PTPRD: variants seen among roughly 807,000 people sequenced by gnomAD.
The protein encoded by PTPRD is receptor-type tyrosine-protein phosphatase delta.
In PTPRD, 34 loss-of-function variants were observed where a neutral mutation model predicts 214.5. That is an observed-to-expected ratio of 0.16 (90% CI 0.12 to 0.21). The LOEUF (loss-of-function observed/expected upper bound fraction) is 0.21. Among genes scored for constraint, PTPRD ranks in the 10% least tolerant of loss-of-function variants. The pLI is 1.00. For missense variants in PTPRD, 2,545 were observed against 2,398.7 expected (o/e 1.06, Z -1.27); for synonymous variants, 1,128 against 845.7 (o/e 1.33, Z -5.79).
chr9:8,660,575 C>A (rs1230162997), intron 12 of PTPRD, among the ~76,000 whole-genome samples: 1 of 152,144 alleles, frequency 6.6e-6, no homozygotes, highest in African/African-American at 2.4e-5. Context: ...CCCCAGCTGG[C>A]TCCCAGCCCC....
In PTPRD at chr9:9,954,297, CAA is replaced by C. The variant is rs781628679; in HGVS notation, c.-471-15689_-471-15688del. Among the ~76,000 whole-genome samples, 97 of 53,772 alleles carry C rather than the reference CAA, an allele frequency of 1.8e-3. 3 individuals are homozygous for C. Among genetic ancestry groups the C allele is most frequent in the South Asian group, 0.017 (20 of 1,182 alleles). 35.3% of individuals were successfully genotyped at this position (53,772 alleles called of 152,430 possible). On this transcript the variant is annotated intron_variant, in intron 4 of 45. Coordinates refer to ENST00000381196, the MANE Select transcript of PTPRD (RefSeq NM_002839.4). ...GACAGATTGAGACTCTGTCTCAAAA[CAA>C]AAAAAAAAAAAAAAAAAAAAAAAAA...
intron 13 of PTPRD, among the ~76,000 whole-genome samples, chr9:8,634,514 C>A (rs757382077): frequency 1.3e-5 from 2 of 152,078 alleles, no homozygotes; most frequent in Non-Finnish European, 2.9e-5. Flanking sequence ...CAAAATATGT[C>A]CACTTCAATC....
chr9:9,273,262 G>A (rs1943662029), intron 9 of PTPRD, among the ~76,000 whole-genome samples: 1 of 151,196 alleles, frequency 6.6e-6, no homozygotes, highest in Non-Finnish European at 1.5e-5. Flanking sequence ...GGAACTATCA[G>A]GCATTTATTT....
At chr9:8,733,475 G>GTT (rs1235542832) in intron 12 of PTPRD, among the ~76,000 whole-genome samples, 1 of 152,094 alleles carries the variant, frequency 6.6e-6, no homozygotes, top group African/African-American at 2.4e-5. Context: ...GTTAACCTCA[G>GTT]TTTGAGTTAT....
chr9:10,584,235 G>A (rs368520954), intron 2 of PTPRD, among the ~76,000 whole-genome samples: 13 of 151,528 alleles, frequency 8.6e-5, no homozygotes, highest in African/African-American at 3.1e-4. Context: ...TTTCTTCCTT[G>A]GTCAATGCAT....
chr9:10,007,478 G>C (rs1179402029), intron 4 of PTPRD, among the ~76,000 whole-genome samples: 2 of 151,944 alleles, frequency 1.3e-5, no homozygotes, highest in Non-Finnish European at 2.9e-5. Context: ...ACTTGTCCTT[G>C]GGGGCCAGTT....
At chr9:9,722,287 T>A (rs2097966293) in intron 7 of PTPRD, among the ~76,000 whole-genome samples, 1 of 152,046 alleles carries the variant, frequency 6.6e-6, no homozygotes, top group Non-Finnish European at 1.5e-5. Flanking sequence ...GATTTCCCTA[T>A]TCTGGATAAT....
At chr9:8,646,184 G>A (rs918349437) in intron 12 of PTPRD, among the ~76,000 whole-genome samples, 16 of 152,136 alleles carry the variant, frequency 1.1e-4, no homozygotes, top group African/African-American at 3.6e-4. Flanking sequence ...CCAGGATTGA[G>A]AATTACTGAA....
chr9:9,481,382 A>G (rs2095408158), intron 8 of PTPRD, among the ~76,000 whole-genome samples: 1 of 152,126 alleles, frequency 6.6e-6, no homozygotes, highest in Non-Finnish European at 1.5e-5. Flanking sequence ...TGACAGGAAC[A>G]TCAACATTAC....
intron 3 of PTPRD, among the ~76,000 whole-genome samples, chr9:10,311,082 G>C (rs1050730595): frequency 1.3e-5 from 2 of 151,808 alleles, no homozygotes; most frequent in Admixed American, 6.6e-5. Flanking sequence ...TTTATATACC[G>C]ATTTTTTTTT....
At chr9:10,400,480 C>G (rs1006219359) in intron 2 of PTPRD, among the ~76,000 whole-genome samples, 1 of 151,452 alleles carries the variant, frequency 6.6e-6, no homozygotes, top group Non-Finnish European at 1.5e-5. Flanking sequence ...CCATAGCTAG[C>G]ACCAAAAGTA....
chr9:9,987,591 T>C (rs2095763357), intron 4 of PTPRD, among the ~76,000 whole-genome samples: 1 of 152,132 alleles, frequency 6.6e-6, no homozygotes, highest in Non-Finnish European at 1.5e-5. Context: ...AGCTACGAGA[T>C]GAGATTTGGG....
At chr9:10,344,787 A>T (rs2097034051) in intron 2 of PTPRD, among the ~76,000 whole-genome samples, 1 of 152,070 alleles carries the variant, frequency 6.6e-6, no homozygotes, top group African/African-American at 2.4e-5. Context: ...ACTTTGTAGC[A>T]ATTCTGAATG....
intron 8 of PTPRD, among the ~76,000 whole-genome samples, chr9:9,503,342 T>C (rs1046981657): frequency 1.3e-5 from 2 of 151,606 alleles, no homozygotes; most frequent in African/African-American, 4.8e-5. Context: ...ATCATTTAGA[T>C]GAGATGTGTG....
chr9:10,260,254 T>C (rs996430462), intron 3 of PTPRD, among the ~76,000 whole-genome samples: 2 of 152,146 alleles, frequency 1.3e-5, no homozygotes, highest in Non-Finnish European at 2.9e-5. Context: ...CAGTACCAAA[T>C]ACACAGAACC....
Position 9,855,919 on chromosome 9 carries a change from G to A in PTPRD, c.-368+82588C>T, listed in dbSNP as rs1039410719. ...TCATGTGAGGCAGCTGCTCTCTACC[G>A]GTGAGGGTAAAGGGGCCAGTGTGAC... is the stretch of plus-strand genomic sequence containing the variant. On this transcript the variant is annotated intron_variant, in intron 5 of 45. Transcript: ENST00000381196. Among the ~76,000 whole-genome samples the A allele has an allele frequency of 1.1e-4, 16 of 152,242 alleles. No homozygotes were observed. In the Middle Eastern group the frequency reaches 0.01, roughly 97 times the overall value.
chr9:9,207,935 G>A (rs2099945911), intron 9 of PTPRD, among the ~76,000 whole-genome samples: 1 of 149,362 alleles, frequency 6.7e-6, no homozygotes, highest in Admixed American at 6.7e-5. Flanking sequence ...ATATCTTTTA[G>A]TGAAAAAGGA....
chr9:9,950,052 T>A (rs1478043919), intron 4 of PTPRD, among the ~76,000 whole-genome samples: 1 of 152,208 alleles, frequency 6.6e-6, no homozygotes, highest in Non-Finnish European at 1.5e-5. Context: ...CGTACCATCA[T>A]AGTCCAGCCC....
chr9:10,495,858 G>T (rs1485454229), intron 2 of PTPRD, among the ~76,000 whole-genome samples: 1 of 151,500 alleles, frequency 6.6e-6, no homozygotes, highest in Non-Finnish European at 1.5e-5. Context: ...ATTTTATTTA[G>T]CCAGTTAAAT....
Sources: gnomAD v4.1 joint callset for allele counts (sites outside exome capture counted in the v4.1 genomes callset) on GRCh38, gnomAD v4.1.1 for gene constraint, MANE v1.5 for transcripts, NCBI Gene and HGNC (gene_info 2026-07-23, HGNC 2026-07-21) for gene names.